Variants in MARCHF1 observed in about 807,000 individuals in gnomAD.
MARCHF1 encodes membrane associated ring-CH-type finger 1.
A neutral mutation model predicts 54.2 loss-of-function variants in MARCHF1; 40 were observed. That is an observed-to-expected ratio of 0.74 (90% CI 0.57 to 0.96). The LOEUF (loss-of-function observed/expected upper bound fraction) is 0.96. MARCHF1 is among the 40% of genes least tolerant of loss of function. The pLI is 0.00. For synonymous variants in MARCHF1, 236 were observed against 236.3 expected (o/e 1.00, Z 0.01); for missense variants, 586 against 656.5 (o/e 0.89, Z 1.17).
intron 5 of MARCHF1, among the ~76,000 whole-genome samples, chr4:163,617,109 A>G (rs1317530170): frequency 2.0e-5 from 3 of 152,168 alleles, no homozygotes; most frequent in African/African-American, 7.2e-5. Context: ...TTGCAGCAAC[A>G]TAGATGAGCC....
At chr4:164,098,915 A>G (rs1755473854) in intron 2 of MARCHF1, among the ~76,000 whole-genome samples, 1 of 152,202 alleles carries the variant, frequency 6.6e-6, no homozygotes, top group African/African-American at 2.4e-5. Context: ...AAGTGGTCCA[A>G]TTTTTCTCCC....
rs868711725 is a variant in MARCHF1, at chr4:164,233,543, A to G, written c.-322-121881T>C. 7.2e-5 allele frequency among the ~76,000 whole-genome samples: 11 copies of G among 152,204 alleles called. No individual in the cohort carries two copies. The East Asian group carries it at 2.1e-3, about 29-fold the overall frequency. ...TGTTTACCTCTCATGACATACCATTATCCTGGACTGAACTACTCTAGGCCA... is the reference window on the plus strand; with the variant it reads ...TGTTTACCTCTCATGACATACCATTGTCCTGGACTGAACTACTCTAGGCCA... On this transcript the variant is annotated intron_variant, in intron 1 of 9. Transcript: ENST00000514618.
intron 8 of MARCHF1, among the ~76,000 whole-genome samples, chr4:163,575,104 G>A (rs150160320): frequency 5.3e-5 from 8 of 152,074 alleles, no homozygotes; most frequent in Non-Finnish European, 1.2e-4. Context: ...TCTTGCTCCA[G>A]TTCTCAAGCA....
At chr4:164,151,862 T>C (rs1458927097) in intron 1 of MARCHF1, among the ~76,000 whole-genome samples, 1 of 152,176 alleles carries the variant, frequency 6.6e-6, no homozygotes, top group Non-Finnish European at 1.5e-5. Context: ...CATGTGTTTA[T>C]AGAACTGCAG....
rs990548839 is a variant in MARCHF1 at position 163,938,994 on chromosome 4, C to A, written c.-39+49507G>T. Among the ~76,000 whole-genome samples the A allele has an allele frequency of 2.6e-5, 4 of 152,220 alleles. No individual in the cohort carries two copies. In the East Asian group the frequency reaches 5.8e-4, roughly 22 times the overall value. On this transcript the variant is annotated intron_variant, in intron 3 of 9. Transcript: ENST00000514618. Reference sequence around the variant, plus strand: ...GATTTTGGGTGGGACACAGCCAAACCACATCAGCACTTAAGGTAAGAAAAA... The same window carrying A: ...GATTTTGGGTGGGACACAGCCAAACAACATCAGCACTTAAGGTAAGAAAAA...
chr4:163,886,284 T>C (rs1313274136), intron 3 of MARCHF1, among the ~76,000 whole-genome samples: 1 of 149,664 alleles, frequency 6.7e-6, no homozygotes, highest in Non-Finnish European at 1.5e-5. Context: ...GATAGATATA[T>C]AGATATATCT....
intron 1 of MARCHF1, among the ~76,000 whole-genome samples, chr4:164,240,775 A>G (rs1732718309): frequency 1.3e-5 from 2 of 152,118 alleles, no homozygotes; most frequent in Admixed American, 1.3e-4. Context: ...TAAAGCAAGG[A>G]TGATAGTAGC....
At position 164,156,920 on chromosome 4, in the gene MARCHF1, C is replaced by G. The variant is rs531454021; in HGVS notation, c.-322-45258G>C. ...GCATCTCACCCCATACTAGTTTTTT[C>G]AAATGAAATAATTGAGATTTGTTCA... On this transcript the variant is annotated intron_variant, in intron 1 of 9. Transcript: ENST00000514618. Among the ~76,000 whole-genome samples the G allele has an allele frequency of 5.3e-5, 8 of 152,192 alleles. No homozygotes were observed. The South Asian group carries it at 1.7e-3, about 32-fold the overall frequency.
At chr4:164,070,579 T>C (rs530199953) in intron 2 of MARCHF1, among the ~76,000 whole-genome samples, 1 of 152,302 alleles carries the variant, frequency 6.6e-6, no homozygotes, top group East Asian at 1.9e-4. Context: ...TCACATCTGG[T>C]TTCTCCTTTC....
chr4:164,062,749 T>G (rs1373372129), intron 2 of MARCHF1, among the ~76,000 whole-genome samples: 1 of 152,096 alleles, frequency 6.6e-6, no homozygotes, highest in African/African-American at 2.4e-5. Flanking sequence ...GTCTCCAACT[T>G]CTGACCTCAG....
chr4:164,232,878 C>CAGAAACCTATA (rs1480673412), intron 1 of MARCHF1, among the ~76,000 whole-genome samples: 1 of 152,116 alleles, frequency 6.6e-6, no homozygotes, highest in South Asian at 2.1e-4. Context: ...CCTATAGACA[C>CAGAAACCTATA]GTGCTGTATT....
chr4:164,062,433 A>G lies in MARCHF1; in HGVS notation c.-248+49155T>C, dbSNP rs1754638780. ...GCATCTAGAATGGTGACTGCTTTCC[A>G]GAAGGTTTTCAATTGACTTTGTCCA... is the stretch of plus-strand genomic sequence containing the variant. On this transcript the variant is annotated intron_variant, in intron 2 of 9. Coordinates refer to ENST00000514618, the MANE Select transcript of MARCHF1 (RefSeq NM_001394959.1). Among the ~76,000 whole-genome samples the G allele has an allele frequency of 2.6e-5, 4 of 152,198 alleles. No individual in the cohort carries two copies. In the South Asian group the frequency reaches 8.3e-4, roughly 32 times the overall value.
At chr4:164,110,688 A>G (rs569633220) in intron 2 of MARCHF1, among the ~76,000 whole-genome samples, 1 of 139,314 alleles carries the variant, frequency 7.2e-6, no homozygotes, top group South Asian at 2.3e-4. Context: ...TTCTCTTGTG[A>G]AAAAAAGTCT....
At chr4:164,226,207 A>G (rs1302384457) in intron 1 of MARCHF1, among the ~76,000 whole-genome samples, 5 of 152,098 alleles carry the variant, frequency 3.3e-5, no homozygotes, top group African/African-American at 1.2e-4. Context: ...GCCAAATTTC[A>G]AACAGACTAA....
intron 4 of MARCHF1, among the ~76,000 whole-genome samples, chr4:163,750,695 T>A (rs571320731): frequency 1.4e-3 from 212 of 152,232 alleles, no homozygotes; most frequent in Non-Finnish European, 2.6e-3. Flanking sequence ...TTTATGAAGT[T>A]AGCATAACCT....
intron 3 of MARCHF1, among the ~76,000 whole-genome samples, chr4:163,932,319 T>C (rs541021538): frequency 6.6e-6 from 1 of 152,240 alleles, no homozygotes; most frequent in African/African-American, 2.4e-5. Flanking sequence ...AATATTTCAC[T>C]ATAGCATGCT....
intron 1 of MARCHF1, among the ~76,000 whole-genome samples, chr4:164,265,280 T>C (rs746808104): frequency 4.6e-5 from 7 of 152,132 alleles, no homozygotes; most frequent in Non-Finnish European, 1.0e-4. Context: ...ACTAGTGACA[T>C]GGAGGATTCA....
intron 1 of MARCHF1, among the ~76,000 whole-genome samples, chr4:164,245,706 G>C (rs991863416): frequency 3.3e-5 from 5 of 151,040 alleles, no homozygotes; most frequent in East Asian, 3.9e-4. Context: ...AAACCCCATC[G>C]TCTCAGCCCA....
At chr4:163,688,168 T>A (rs1002126886) in intron 5 of MARCHF1, among the ~76,000 whole-genome samples, 3 of 151,150 alleles carry the variant, frequency 2.0e-5, no homozygotes, top group Non-Finnish European at 2.9e-5. Context: ...TGATAGCTTC[T>A]GAAAGAAGCA....
Sources: gnomAD v4.1 joint callset for allele counts (sites outside exome capture counted in the v4.1 genomes callset) on GRCh38, gnomAD v4.1.1 for gene constraint, MANE v1.5 for transcripts, NCBI Gene and HGNC (gene_info 2026-07-23, HGNC 2026-07-21) for gene names.